The following TLX2 variants were observed in gnomAD, a reference collection of about 807,000 sequenced individuals.
The protein encoded by TLX2 is T-cell leukemia homeobox protein 2.
In TLX2, 15 loss-of-function variants were observed where a neutral mutation model predicts 21.7. That is an observed-to-expected ratio of 0.69 (90% confidence interval 0.46 to 1.07). TLX2 has a LOEUF of 1.07. TLX2 is among the 50% of genes least tolerant of loss of function. The pLI, the probability that TLX2 is intolerant of heterozygous loss-of-function variation, is 0.00. For missense variants in TLX2, 384 were observed against 409.1 expected (o/e 0.94, Z 0.53); for synonymous variants, 213 against 193.1 (o/e 1.10, Z -0.85).
chr2:74,516,413 C>G lies in TLX2; in HGVS notation c.*224C>G. ...GCCATTTTTCACTTCACTGCCGTTA[C>G]GCCCTCGCTGGAACCTGAGGCGCCG... On this transcript the variant is annotated 3_prime_UTR_variant, in exon 3 of 3. Transcript: ENST00000233638. 2.1e-6 allele frequency: 3 copies of G among 1,428,742 alleles called. No homozygotes were observed. The highest frequency in any genetic ancestry group is 2.8e-6 in the Non-Finnish European group (3 of 1,090,292). The allele number at this position is 1,428,742 out of a possible 1,614,324, so 88.5% of individuals were successfully genotyped here.
chr2:74,516,297 T>G lies in TLX2; in HGVS notation c.*108T>G. ...CCGGGCGCGTGAGGAGCGGCAGGCC[T>G]TGAGGCTGTCGTCGAGGGCTCCTCC... On this transcript the variant is annotated 3_prime_UTR_variant, in exon 3 of 3. Transcript: ENST00000233638. The G allele has an allele frequency of 6.6e-7, 1 of 1,526,406 alleles. No individual in the cohort carries two copies. Among genetic ancestry groups the G allele is most frequent in the Non-Finnish European group, 8.8e-7 (1 of 1,142,222 alleles). 94.6% of individuals were successfully genotyped at this position (1,526,406 alleles called of 1,614,324 possible). A position where few individuals can be genotyped will look rare whatever the true frequency, so the allele number is the denominator to read the frequency against.
rs769834706 is a variant in TLX2 at position 74,514,839 on chromosome 2, C to T, written c.33C>T (p.Leu11=). The part of the protein sequence containing the change: MEPGMLGPHN[L]PHHEPISFGI... ...CGGGGATGCTGGGTCCACACAACCT[C>T]CCACACCACGAGCCAATCAGCTTCG... is the stretch of plus-strand genomic sequence containing the variant. The change falls in exon 1 of 3, where the codon CTC becomes CTT. Residue 11 remains leucine, a synonymous_variant. Transcript: ENST00000233638. The surrounding 1 kb of genome is among the most constrained non-coding windows in gnomAD (Gnocchi z 5.0). 1.2e-6 allele frequency: 2 copies of T among 1,612,964 alleles called. No individual in the cohort carries two copies. Among genetic ancestry groups the T allele is most frequent in the East Asian group, 4.5e-5 (2 of 44,858 alleles).
Position 74,514,451 on chromosome 2 carries a change from G to A in TLX2, c.-356G>A. 8.4e-7 allele frequency: 1 copy of A among 1,191,334 alleles called. No individual in the cohort carries two copies. Among genetic ancestry groups the A allele is most frequent in the Admixed American group, 3.9e-5 (1 of 25,572 alleles). The allele number at this position is 1,191,334 out of a possible 1,614,324, so 73.8% of individuals were successfully genotyped here. ...ACTACCCACCCGGGCCGATCCGTCA[G>A]TCACTGCCCCAGCCGGAGCTGGCCA... On this transcript the variant is annotated 5_prime_UTR_variant, in exon 1 of 3. Coordinates refer to ENST00000233638, the MANE Select transcript of TLX2 (RefSeq NM_016170.5). The surrounding 1 kb of genome is among the most constrained non-coding windows in gnomAD (Gnocchi z 5.0).
rs1354097800 is a variant in TLX2 at position 74,516,405 on chromosome 2, T to G, written c.*216T>G. ...CCTTTCCCGCCATTTTTCACTTCAC[T>G]GCCGTTACGCCCTCGCTGGAACCTG... On this transcript the variant is annotated 3_prime_UTR_variant, in exon 3 of 3. Coordinates refer to ENST00000233638, the MANE Select transcript of TLX2 (RefSeq NM_016170.5). 7 of 1,444,368 alleles carry G rather than the reference T, an allele frequency of 4.8e-6. No homozygotes were observed. Among genetic ancestry groups the G allele is most frequent in the Non-Finnish European group, 6.4e-6 (7 of 1,098,596 alleles). The allele number at this position is 1,444,368 out of a possible 1,614,324, so 89.5% of individuals were successfully genotyped here.
Position 74,514,489 on chromosome 2 carries a change from C to A in TLX2, c.-318C>A, listed in dbSNP as rs1035190487. Reference sequence around the variant, plus strand: ...CCGGAGCTGGCCAACCCTCTCCACCCGGGACTTGGGCAGCGGCGCCGGCAG... The same window carrying A: ...CCGGAGCTGGCCAACCCTCTCCACCAGGGACTTGGGCAGCGGCGCCGGCAG... On this transcript the variant is annotated 5_prime_UTR_variant, in exon 1 of 3. Transcript: ENST00000233638. The surrounding 1 kb of genome is among the most constrained non-coding windows in gnomAD (Gnocchi z 5.0). The A allele has an allele frequency of 2.4e-6, 3 of 1,275,694 alleles. No individual in the cohort carries two copies. The highest frequency in any genetic ancestry group is 3.1e-5 in the South Asian group (2 of 63,816). The allele number at this position is 1,275,694 out of a possible 1,614,324, so 79.0% of individuals were successfully genotyped here.
rs1372140541 is a variant in TLX2 at position 74,515,740 on chromosome 2, C to G, written c.508C>G (p.Leu170Val). ...PRTSFSRSQV[L>V]ELERRFLRQK... is the part of the protein sequence containing the mutation. Reference sequence around the variant, plus strand: ...CACGTCCTTCTCCCGCTCACAGGTGCTGGAGTTGGAGCGGCGCTTCCTGCG... The same window carrying G: ...CACGTCCTTCTCCCGCTCACAGGTGGTGGAGTTGGAGCGGCGCTTCCTGCG... Residue 170 changes from leucine to valine, a missense_variant, in exon 2 of 3, where the codon CTG (leucine) becomes GTG (valine). By Grantham distance (32) the Leu-to-Val change is conservative. Coordinates refer to ENST00000233638, the MANE Select transcript of TLX2 (RefSeq NM_016170.5). This position sits in a 1 kb window ranked among gnomAD's most constrained non-coding sequence, Gnocchi z 6.6. 2 of 1,613,450 alleles carry G rather than the reference C, an allele frequency of 1.2e-6. No homozygotes were observed. Among genetic ancestry groups the G allele is most frequent in the Admixed American group, 1.7e-5 (1 of 60,006 alleles).
Position 74,515,566 on chromosome 2 carries a change from G to A in TLX2, c.401-67G>A, listed in dbSNP as rs1674861259. 3 of 1,471,832 alleles carry A rather than the reference G, an allele frequency of 2.0e-6. No homozygotes were observed. The highest frequency in any genetic ancestry group is 1.4e-5 in the African/African-American group (1 of 71,444). The allele number at this position is 1,471,832 out of a possible 1,614,324, so 91.2% of individuals were successfully genotyped here. The stretch of plus-strand genomic sequence containing the variant: ...GGAGTTCTGCGGCCTGGACAGCCGC[G>A]CGGCCTTCTCAGTGGCACCTCGGGC... On this transcript the variant is annotated intron_variant, in intron 1 of 2. Transcript: ENST00000233638. This position sits in a 1 kb window ranked among gnomAD's most constrained non-coding sequence, Gnocchi z 6.6.
chr2:74,515,902 G>T lies in TLX2; in HGVS notation c.638+32G>T. 1 of 1,587,032 alleles carries T rather than the reference G, an allele frequency of 6.3e-7. No homozygotes were observed. Among genetic ancestry groups the T allele is most frequent in the Non-Finnish European group, 8.6e-7 (1 of 1,165,698 alleles). On this transcript the variant is annotated intron_variant, in intron 2 of 2. Transcript: ENST00000233638. The surrounding 1 kb of genome is among the most constrained non-coding windows in gnomAD (Gnocchi z 6.6). The stretch of plus-strand genomic sequence containing the variant: ...CGCGGCGCGGGCGAGGGCGGACTGG[G>T]GTTCCCGAGCAGGGCCTGGTGAGAA...
At position 74,515,153 on chromosome 2, in the gene TLX2, T is replaced by A; in HGVS notation, c.347T>A (p.Leu116His). 1 of 1,541,328 alleles carries A rather than the reference T, an allele frequency of 6.5e-7. No individual in the cohort carries two copies. The highest frequency in any genetic ancestry group is 1.2e-5 in the South Asian group (1 of 84,056). The part of the protein sequence containing the change: ...GLGGAGGLAG[L>H]TFPWMDSGRR... ...GGCGGCGCCGGAGGCCTAGCGGGAC[T>A]CACCTTCCCCTGGATGGACAGCGGC... The change falls in exon 1 of 3, where the codon CTC becomes CAC. Residue 116 changes from leucine (L) to histidine (H), a missense_variant. By Grantham distance (99) the Leu-to-His change is moderately conservative. Coordinates refer to ENST00000233638, the MANE Select transcript of TLX2 (RefSeq NM_016170.5). The surrounding 1 kb of genome is among the most constrained non-coding windows in gnomAD (Gnocchi z 6.6).
rs889420232 is a variant in TLX2 at position 74,516,117 on chromosome 2, G to C, written c.783G>C (p.Ala261=). The change falls in exon 3 of 3, where the codon GCG becomes GCC. Residue 261 remains alanine, a synonymous_variant. Transcript: ENST00000233638. ...PLCLHNSSLF[A]LQNLQPWAED... ...GCCTGCACAACTCGTCGCTCTTCGC[G>C]CTGCAGAACCTGCAGCCCTGGGCCG... 6.2e-7 allele frequency: 1 copy of C among 1,610,118 alleles called. No individual in the cohort carries two copies.
At position 74,515,884 on chromosome 2, in the gene TLX2, C is replaced by A. The variant is rs775162521; in HGVS notation, c.638+14C>A. 7.5e-6 allele frequency: 12 copies of A among 1,596,400 alleles called. No individual in the cohort carries two copies. Among genetic ancestry groups the A allele is most frequent in the African/African-American group, 1.3e-5 (1 of 74,300 alleles). On this transcript the variant is annotated intron_variant, in intron 2 of 2. Transcript: ENST00000233638. This position sits in a 1 kb window ranked among gnomAD's most constrained non-coding sequence, Gnocchi z 6.6. ...CACCAAGTGGCGGTGAGGCGCGGCG[C>A]GGGCGAGGGCGGACTGGGGTTCCCG...
rs1463237686 is a variant in TLX2, at chr2:74,515,248, C to A, written c.400+42C>A. The A allele has an allele frequency of 1.3e-6, 2 of 1,535,946 alleles. No individual in the cohort carries two copies. The highest frequency in any genetic ancestry group is 1.2e-5 in the South Asian group (1 of 84,068). The stretch of plus-strand genomic sequence containing the variant: ...CCTCCAGCGTCACGCCCGACTCTGA[C>A]CCCGTCTCCTCATTTCTTAGCTTTC... On this transcript the variant is annotated intron_variant, in intron 1 of 2. Coordinates refer to ENST00000233638, the MANE Select transcript of TLX2 (RefSeq NM_016170.5). This position sits in a 1 kb window ranked among gnomAD's most constrained non-coding sequence, Gnocchi z 6.6.
At position 74,516,313 on chromosome 2, in the gene TLX2, G is replaced by A. The variant is rs1025963980; in HGVS notation, c.*124G>A. On this transcript the variant is annotated 3_prime_UTR_variant, in exon 3 of 3. Transcript: ENST00000233638. The stretch of plus-strand genomic sequence containing the variant: ...CGGCAGGCCTTGAGGCTGTCGTCGA[G>A]GGCTCCTCCACCACCGGCCGGCTCC... 5.9e-6 allele frequency: 9 copies of A among 1,525,074 alleles called. No individual in the cohort carries two copies. The highest frequency in any genetic ancestry group is 2.4e-5 in the South Asian group (2 of 82,102). 94.5% of individuals were successfully genotyped at this position (1,525,074 alleles called of 1,614,324 possible).
rs935255695 is a variant in TLX2 at position 74,514,733 on chromosome 2, G to C, written c.-74G>C. On this transcript the variant is annotated 5_prime_UTR_variant, in exon 1 of 3. Transcript: ENST00000233638. The surrounding 1 kb of genome is among the most constrained non-coding windows in gnomAD (Gnocchi z 5.0). ...AGGCCACTCTCCGGAGCGCGCCGCC[G>C]CTGGGCTTCTGGCGCTGCCTGAGGC... The C allele has an allele frequency of 5.6e-6, 9 of 1,596,140 alleles. No homozygotes were observed. In the African/African-American group the frequency reaches 6.8e-5, roughly 12 times the overall value.
Position 74,516,428 on chromosome 2 carries a change from C to T in TLX2, c.*239C>T. 2.1e-6 allele frequency: 3 copies of T among 1,400,664 alleles called. No homozygotes were observed. The highest frequency in any genetic ancestry group is 2.9e-5 in the East Asian group (1 of 34,828). The allele number at this position is 1,400,664 out of a possible 1,614,324, so 86.8% of individuals were successfully genotyped here. Reference sequence around the variant, plus strand: ...ACTGCCGTTACGCCCTCGCTGGAACCTGAGGCGCCGAGAGGGCGGGACCTG... The same window carrying T: ...ACTGCCGTTACGCCCTCGCTGGAACTTGAGGCGCCGAGAGGGCGGGACCTG... On this transcript the variant is annotated 3_prime_UTR_variant, in exon 3 of 3. Coordinates refer to ENST00000233638, the MANE Select transcript of TLX2 (RefSeq NM_016170.5).
In TLX2 at chr2:74,515,611, T is replaced by C; in HGVS notation, c.401-22T>C. 6.3e-7 allele frequency: 1 copy of C among 1,597,160 alleles called. No homozygotes were observed. Among genetic ancestry groups the C allele is most frequent in the Non-Finnish European group, 8.6e-7 (1 of 1,169,046 alleles). On this transcript the variant is annotated intron_variant, in intron 1 of 2. Coordinates refer to ENST00000233638, the MANE Select transcript of TLX2 (RefSeq NM_016170.5). This position sits in a 1 kb window ranked among gnomAD's most constrained non-coding sequence, Gnocchi z 6.6. ...TCGGGCCACCCTGCAAATCCTGCCC[T>C]GGTCTTTCTTCCTCCCGGTAGCTGC...
At position 74,515,924 on chromosome 2, in the gene TLX2, A is replaced by G; in HGVS notation, c.639-49A>G. On this transcript the variant is annotated intron_variant, in intron 2 of 2. Transcript: ENST00000233638. The surrounding 1 kb of genome is among the most constrained non-coding windows in gnomAD (Gnocchi z 6.6). Reference sequence around the variant, plus strand: ...TGGGGTTCCCGAGCAGGGCCTGGTGAGAAGCGACGCGGCGGGCGCCCCGCT... The same window carrying G: ...TGGGGTTCCCGAGCAGGGCCTGGTGGGAAGCGACGCGGCGGGCGCCCCGCT... 1 of 1,523,548 alleles carries G rather than the reference A, an allele frequency of 6.6e-7. No homozygotes were observed. The highest frequency in any genetic ancestry group is 8.8e-7 in the Non-Finnish European group (1 of 1,141,904). The allele number at this position is 1,523,548 out of a possible 1,614,324, so 94.4% of individuals were successfully genotyped here.
At position 74,515,687 on chromosome 2, in the gene TLX2, G is replaced by C. The variant is rs1236741866; in HGVS notation, c.455G>C (p.Arg152Pro). ...TRRIGHPYQNRTPPKRKKPRT... is the reference protein window; with the variant it reads ...TRRIGHPYQNPTPPKRKKPRT... ...CGCATAGGCCACCCCTACCAAAACC[G>C]GACCCCTCCGAAGCGGAAGAAGCCG... The change falls in exon 2 of 3, where the codon CGG becomes CCG. Residue 152 changes from arginine to proline, a missense_variant. By Grantham distance (103) the Arg-to-Pro change is moderately radical. Transcript: ENST00000233638. This position sits in a 1 kb window ranked among gnomAD's most constrained non-coding sequence, Gnocchi z 6.6. 5.0e-6 allele frequency: 8 copies of C among 1,613,744 alleles called. No homozygotes were observed. The highest frequency in any genetic ancestry group is 6.8e-6 in the Non-Finnish European group (8 of 1,179,934).
In TLX2 at chr2:74,516,198, C is replaced by T. The variant is rs773546535; in HGVS notation, c.*9C>T. 5.0e-6 allele frequency: 8 copies of T among 1,606,406 alleles called. No homozygotes were observed. The highest frequency in any genetic ancestry group is 1.7e-5 in the Admixed American group (1 of 59,600). ...TCGCCTCGGTGGTGTGAGCGACGCCCGTCCGATCGGCGTGGAGCGCCGGGC... is the reference window on the plus strand; with the variant it reads ...TCGCCTCGGTGGTGTGAGCGACGCCTGTCCGATCGGCGTGGAGCGCCGGGC... On this transcript the variant is annotated 3_prime_UTR_variant, in exon 3 of 3. Coordinates refer to ENST00000233638, the MANE Select transcript of TLX2 (RefSeq NM_016170.5).
Sources: allele counts gnomAD v4.1 joint callset, GRCh38; gene constraint gnomAD v4.1.1; non-coding constraint Gnocchi (gnomAD v3.1); transcripts MANE v1.5; gene names NCBI Gene and HGNC (gene_info 2026-07-23, HGNC 2026-07-21).